RABGAP1L: variants seen among roughly 807,000 people sequenced by gnomAD.
The protein encoded by RABGAP1L is RAB GTPase activating protein 1 like, also known as rab GTPase-activating protein 1-like.
Under a neutral mutation model 137.7 loss-of-function variants are expected in RABGAP1L, and 63 were observed. The ratio of observed to expected loss-of-function variants is 0.46; its 90% CI spans 0.37 to 0.56. RABGAP1L has a LOEUF of 0.56. RABGAP1L is among the 20% of genes least tolerant of loss of function. RABGAP1L has a pLI of 0.00. For synonymous variants in RABGAP1L, 431 were observed against 433.7 expected (o/e 0.99, Z 0.08); for missense variants, 1,095 against 1,244.0 (o/e 0.88, Z 1.80).
chr1:174,699,097 G>T (rs181686227), intron 15 of RABGAP1L, among the ~76,000 whole-genome samples: 3 of 151,632 alleles, frequency 2.0e-5, no homozygotes, highest in Non-Finnish European at 4.4e-5. Context: ...AGGCTCAAGC[G>T]ATCCTTCCAC....
chr1:174,445,605 T>C (rs1226976766), intron 13 of RABGAP1L, among the ~76,000 whole-genome samples: 1 of 152,194 alleles, frequency 6.6e-6, no homozygotes, highest in African/African-American at 2.4e-5. Context: ...AAATGATTTC[T>C]AAGTTCTGTT....
intron 4 of RABGAP1L, chr1:174,238,853 G>T (rs546236539): frequency 6.5e-6 from 1 of 153,332 alleles, no homozygotes; most frequent in Non-Finnish European, 1.4e-5. Context: ...AATGGCGGGC[G>T]CCCCTCCCCC....
intron 13 of RABGAP1L, among the ~76,000 whole-genome samples, chr1:174,434,182 C>A (rs1310598063): frequency 6.6e-6 from 1 of 150,680 alleles, no homozygotes; most frequent in Non-Finnish European, 1.5e-5. Context: ...GTTCTGATTT[C>A]TTTCAGCAAA....
chr1:174,650,241 T>C (rs1675353996), intron 14 of RABGAP1L, among the ~76,000 whole-genome samples: 2 of 152,198 alleles, frequency 1.3e-5, no homozygotes. Flanking sequence ...TTTGCCAGTA[T>C]TTTATTCAGG....
chr1:174,489,126 T>G (rs1659963248), intron 13 of RABGAP1L, among the ~76,000 whole-genome samples: 1 of 151,974 alleles, frequency 6.6e-6, no homozygotes, highest in African/African-American at 2.4e-5. Flanking sequence ...GGGCAAGGAC[T>G]TCATGACTAA....
chr1:174,524,813 T>A (rs1663735604), intron 13 of RABGAP1L, among the ~76,000 whole-genome samples: 1 of 152,118 alleles, frequency 6.6e-6, no homozygotes, highest in Non-Finnish European at 1.5e-5. Context: ...TTGAATTGAT[T>A]TTTGTATGTG....
intron 13 of RABGAP1L, among the ~76,000 whole-genome samples, chr1:174,571,576 T>TA (rs982661547): frequency 1.3e-5 from 2 of 151,892 alleles, no homozygotes; most frequent in African/African-American, 4.8e-5. Context: ...AAATTAAAAA[T>TA]AAAAAAATTT....
chr1:174,542,516 C>G (rs1665560509), intron 13 of RABGAP1L, among the ~76,000 whole-genome samples: 1 of 151,890 alleles, frequency 6.6e-6, no homozygotes, highest in African/African-American at 2.4e-5. Context: ...AGTGGTCTAC[C>G]AATTTTGTTG....
intron 11 of RABGAP1L, among the ~76,000 whole-genome samples, chr1:174,364,078 TCCTC>T (rs1684375591): frequency 1.3e-5 from 2 of 151,864 alleles, no homozygotes; most frequent in Admixed American, 1.3e-4. Context: ...TATTCCCTCT[TCCTC>T]TGTTTTTCAG....
chr1:174,371,182 C>A, intron 12 of RABGAP1L, 110 bp downstream of exon 12: 1 of 475,230 alleles, frequency 2.1e-6, no homozygotes, highest in Non-Finnish European at 3.6e-6. Flanking sequence ...ATATTAAAAT[C>A]TATCTTAATA....
At chr1:174,316,422 A>G (rs558202871) in intron 11 of RABGAP1L, among the ~76,000 whole-genome samples, 1 of 152,254 alleles carries the variant, frequency 6.6e-6, no homozygotes, top group South Asian at 2.1e-4. Context: ...TTGGGTGTTA[A>G]TCTAAGCTGT....
chr1:174,871,597 C>CA (rs956616038), intron 19 of RABGAP1L, among the ~76,000 whole-genome samples: 14 of 152,108 alleles, frequency 9.2e-5, no homozygotes, highest in Non-Finnish European at 1.6e-4. Context: ...GGGAGTTATC[C>CA]AGGCTGGGAG....
intron 18 of RABGAP1L, among the ~76,000 whole-genome samples, chr1:174,773,522 T>A (rs1029208416): frequency 6.6e-6 from 1 of 152,222 alleles, no homozygotes. Flanking sequence ...ACAGGTTTTT[T>A]AATTCAAGTT....
chr1:174,623,703 G>C (rs1672723047), intron 13 of RABGAP1L, among the ~76,000 whole-genome samples: 1 of 152,118 alleles, frequency 6.6e-6, no homozygotes, highest in African/African-American at 2.4e-5. Context: ...TACCTATGTG[G>C]CTGACCTTTA....
chr1:174,469,951 A>G (rs986168925), intron 13 of RABGAP1L, among the ~76,000 whole-genome samples: 4 of 147,708 alleles, frequency 2.7e-5, no homozygotes, highest in East Asian at 2.0e-4. Flanking sequence ...TGACTGGAGG[A>G]AAAAAAAAAA....
At chr1:174,280,731 A>G (rs563204730) in intron 10 of RABGAP1L, among the ~76,000 whole-genome samples, 47 of 152,220 alleles carry the variant, frequency 3.1e-4, no homozygotes, top group Middle Eastern at 3.2e-3. Context: ...AGAGTCTGGG[A>G]AAGTAAACTA....
At chr1:174,931,536 T>C (rs1314977707) in intron 19 of RABGAP1L, among the ~76,000 whole-genome samples, 1 of 152,194 alleles carries the variant, frequency 6.6e-6, no homozygotes, top group East Asian at 1.9e-4. Context: ...AAGAAACAGT[T>C]ATTGTCATAT....
At chr1:174,449,678 A>C (rs1571867128) in intron 13 of RABGAP1L, among the ~76,000 whole-genome samples, 1 of 152,230 alleles carries the variant, frequency 6.6e-6, no homozygotes, top group African/African-American at 2.4e-5. Context: ...GTGTACCTTT[A>C]ATCACACTAA....
chr1:174,462,800 G>C (rs984970109), intron 13 of RABGAP1L, among the ~76,000 whole-genome samples: 8 of 152,108 alleles, frequency 5.3e-5, no homozygotes, highest in Non-Finnish European at 1.2e-4. Context: ...TTCTGCTCCT[G>C]AGTTAATTTG....
Sources: gnomAD v4.1 joint callset for allele counts (sites outside exome capture counted in the v4.1 genomes callset) on GRCh38, gnomAD v4.1.1 for gene constraint, MANE v1.5 for transcripts, NCBI Gene and HGNC (gene_info 2026-07-23, HGNC 2026-07-21) for gene names.